CHTOP: variants seen among roughly 807,000 people sequenced by gnomAD.
CHTOP encodes the protein chromatin target of PRMT1, also known as chromatin target of PRMT1 protein.
A neutral mutation model predicts 33.6 loss-of-function variants in CHTOP; 18 were observed. The observed-to-expected ratio is 0.54, with a 90% confidence interval of 0.37 to 0.80. The LOEUF is 0.80. Ranked by LOEUF, CHTOP falls within the 30% of genes least tolerant of loss-of-function variation. The pLI, the probability that CHTOP is intolerant of heterozygous loss-of-function variation, is 0.00. For synonymous variants in CHTOP, 117 were observed against 127.7 expected (o/e 0.92, Z 0.56); for missense variants, 263 against 336.8 (o/e 0.78, Z 1.71).
intron 3 of CHTOP, among the ~76,000 whole-genome samples, chr1:153,640,974 G>A (rs1005432769): frequency 2.0e-5 from 3 of 152,206 alleles, no homozygotes; most frequent in Non-Finnish European, 2.9e-5. Context: ...AAGCTTGGGA[G>A]AATTAATATA....
rs1241063861 is a variant in CHTOP, at chr1:153,645,420, T to C, written c.*151T>C. The C allele has an allele frequency of 4.3e-6, 3 of 701,260 alleles. No individual in the cohort carries two copies. The African/African-American group carries it at 5.4e-5, about 13-fold the overall frequency. The allele number at this position is 701,260 out of a possible 1,614,324, so 43.4% of individuals were successfully genotyped here. A position where few individuals can be genotyped will look rare whatever the true frequency, so the allele number is the denominator to read the frequency against. ...TTGCCACCAGCTTGTGCATTTAGTG[T>C]GTTCCTTTTACTTTTTGATACTGTG... On this transcript the variant is annotated 3_prime_UTR_variant, in exon 6 of 6. Coordinates refer to ENST00000368694, the MANE Select transcript of CHTOP (RefSeq NM_015607.4).
In CHTOP at chr1:153,638,313, GAACA is replaced by G; in HGVS notation, c.89_92del (p.Lys30SerfsTer5). On this transcript the variant is annotated frameshift_variant, in exon 3 of 6. Transcript: ENST00000368694. LOFTEE classifies it high-confidence loss of function. ...CTTGAAGCTTTACTAATATGCTGAA[GAACA>G]AACAGCCGACGCCAGTGAATATTCG... 1 of 1,614,204 alleles carries G rather than the reference GAACA, an allele frequency of 6.2e-7. No homozygotes were observed. Among genetic ancestry groups the G allele is most frequent in the Non-Finnish European group, 8.5e-7 (1 of 1,180,024 alleles).
At chr1:153,635,130 G>T (rs1668309306) in intron 1 of CHTOP, among the ~76,000 whole-genome samples, 1 of 152,094 alleles carries the variant, frequency 6.6e-6, no homozygotes, top group Middle Eastern at 3.4e-3. Flanking sequence ...GAAAACAGGC[G>T]TGAGCCACCG....
chr1:153,641,710 C>T (rs558639412), intron 3 of CHTOP, among the ~76,000 whole-genome samples: 1 of 152,158 alleles, frequency 6.6e-6, no homozygotes, highest in South Asian at 2.1e-4. Flanking sequence ...AAAAATGGAG[C>T]ACACGGGCCT....
chr1:153,638,277 T>C lies in CHTOP; in HGVS notation c.66-18T>C, dbSNP rs1465116428. ...AATAAAGCTTTTATTTAAACATCCA[T>C]TTTGTTCGACCTTGAAGCTTTACTA... On this transcript the variant is annotated intron_variant, in intron 2 of 5. Transcript: ENST00000368694. 3 of 1,610,994 alleles carry C rather than the reference T, an allele frequency of 1.9e-6. No homozygotes were observed. Among genetic ancestry groups the C allele is most frequent in the South Asian group, 2.2e-5 (2 of 90,902 alleles).
chr1:153,645,310 A>G lies in CHTOP; in HGVS notation c.*41A>G, dbSNP rs762639927. The G allele has an allele frequency of 6.3e-7, 1 of 1,582,576 alleles. No homozygotes were observed. The highest frequency in any genetic ancestry group is 8.7e-7 in the Non-Finnish European group (1 of 1,153,900). ...CCATGAGAGACTCTTGTTAGTCAAC[A>G]CATCTGTAAATAACCTTGAGATAAC... On this transcript the variant is annotated 3_prime_UTR_variant, in exon 6 of 6. Transcript: ENST00000368694.
chr1:153,639,856 A>G (rs573183869), intron 3 of CHTOP, among the ~76,000 whole-genome samples: 87 of 152,248 alleles, frequency 5.7e-4, no homozygotes, highest in African/African-American at 2.0e-3. Context: ...CAGTGGTGCA[A>G]TCTCAACTCA....
chr1:153,644,954 C>T, intron 5 of CHTOP, 110 bp from the exon 6 acceptor site: 1 of 932,384 alleles, frequency 1.1e-6, no homozygotes, highest in Non-Finnish European at 1.6e-6. Context: ...TTTGCCCTGC[C>T]CTTCAGCTTT....
At position 153,646,172 on chromosome 1, in the gene CHTOP, A is replaced by G. The variant is rs1314221668; in HGVS notation, c.*903A>G. 6.6e-6 allele frequency: 1 copy of G among 152,162 alleles called. No homozygotes were observed. Among genetic ancestry groups the G allele is most frequent in the African/African-American group, 2.4e-5 (1 of 41,430 alleles). 9.4% of individuals were successfully genotyped at this position (152,162 alleles called of 1,614,324 possible). A position where few individuals can be genotyped will look rare whatever the true frequency, so the allele number is the denominator to read the frequency against. On this transcript the variant is annotated 3_prime_UTR_variant, in exon 6 of 6. Transcript: ENST00000368694. ...CATGTTTATCCCAAACTAATCTTGG[A>G]CTTTTCCACTCATTAGCTTTGTTTT...
At chr1:153,638,952 C>G (rs1012846711) in intron 3 of CHTOP, among the ~76,000 whole-genome samples, 1 of 151,254 alleles carries the variant, frequency 6.6e-6, no homozygotes, top group African/African-American at 2.4e-5. Context: ...ACGATCTCGG[C>G]TCACTGCAAG....
rs201873056 is a variant in CHTOP, at chr1:153,643,206, A to G, written c.404-21A>G. 77 of 1,613,756 alleles carry G rather than the reference A, an allele frequency of 4.8e-5. No individual in the cohort carries two copies. In the East Asian group the frequency reaches 9.4e-4, roughly 20 times the overall value. On this transcript the variant is annotated intron_variant, in intron 4 of 5. Transcript: ENST00000368694. ...GTCTCTTGGATTTACCTGCATATAC[A>G]TTGTATGCCTCCTCTCTAAGGTCAA...
At chr1:153,637,187 C>A (rs956517760) in intron 2 of CHTOP, 1 of 152,464 alleles carries the variant, frequency 6.6e-6, no homozygotes, top group Non-Finnish European at 1.5e-5. Context: ...CTCTTCCATT[C>A]CATTATACTT....
chr1:153,638,575 A>G lies in CHTOP; in HGVS notation c.219+127A>G, dbSNP rs1032956150. The stretch of plus-strand genomic sequence containing the variant: ...GGCAAAAAGCTGAAACTTCTCTGGA[A>G]GAAAGAGAAGTTCAGAGAATTCCAA... On this transcript the variant is annotated intron_variant, in intron 3 of 5. Coordinates refer to ENST00000368694, the MANE Select transcript of CHTOP (RefSeq NM_015607.4). 3.3e-5 allele frequency: 35 copies of G among 1,075,424 alleles called. 1 individual carries two copies. The highest frequency in any genetic ancestry group is 4.5e-5 in the Non-Finnish European group (32 of 716,364). The allele number at this position is 1,075,424 out of a possible 1,614,324, so 66.6% of individuals were successfully genotyped here.
intron 5 of CHTOP, among the ~76,000 whole-genome samples, chr1:153,644,705 T>C (rs1457008906): frequency 6.6e-6 from 1 of 152,264 alleles, no homozygotes; most frequent in African/African-American, 2.4e-5. Context: ...CAAATGGGGT[T>C]ATCTGTCATG....
chr1:153,645,293 G>C lies in CHTOP; in HGVS notation c.*24G>C, dbSNP rs1188415746. On this transcript the variant is annotated 3_prime_UTR_variant, in exon 6 of 6. Transcript: ENST00000368694. ...GAAGCCTGCCCATCCTCCCATGAGA[G>C]ACTCTTGTTAGTCAACACATCTGTA... is the stretch of plus-strand genomic sequence containing the variant. 1 of 1,610,380 alleles carries C rather than the reference G, an allele frequency of 6.2e-7. No individual in the cohort carries two copies. Among genetic ancestry groups the C allele is most frequent in the Admixed American group, 1.7e-5 (1 of 59,848 alleles).
At chr1:153,638,983 C>G (rs1261907826) in intron 3 of CHTOP, among the ~76,000 whole-genome samples, 1 of 151,858 alleles carries the variant, frequency 6.6e-6, no homozygotes. Flanking sequence ...CGGGTCCATA[C>G]CATTCTCCTG....
At chr1:153,642,465 A>T in intron 4 of CHTOP, 36 bp downstream of exon 4, 2 of 1,521,758 alleles carry the variant, frequency 1.3e-6, no homozygotes, top group South Asian at 2.5e-5. Flanking sequence ...GTCGGGCCCT[A>T]CTCCCTTCCC....
At chr1:153,636,751 C>T (rs933320777) in intron 2 of CHTOP, 98 bp downstream of exon 2, 8 of 975,792 alleles carry the variant, frequency 8.2e-6, no homozygotes, top group Non-Finnish European at 1.3e-5. Flanking sequence ...AGCTAAATAC[C>T]AACAGAAGGC....
Position 153,642,321 on chromosome 1 carries a change from G to C in CHTOP, c.295G>C (p.Ala99Pro). 6.2e-7 allele frequency: 1 copy of C among 1,614,200 alleles called. No homozygotes were observed. Residue 99 changes from alanine to proline, a missense_variant, in exon 4 of 6, where the codon GCA becomes CCA. By Grantham distance (27) the Ala-to-Pro change is conservative. Coordinates refer to ENST00000368694, the MANE Select transcript of CHTOP (RefSeq NM_015607.4). ...ACCCATAGGGGCCCTGGCCAGGGGAGCAATCGGAGGACGAGGCCTACCCAT... is the reference window on the plus strand; with the variant it reads ...ACCCATAGGGGCCCTGGCCAGGGGACCAATCGGAGGACGAGGCCTACCCAT... ...GRPIGALARG[A>P]IGGRGLPIIQ...
Sources: gnomAD v4.1 joint callset for allele counts (sites outside exome capture counted in the v4.1 genomes callset) on GRCh38, gnomAD v4.1.1 for gene constraint, MANE v1.5 for transcripts, NCBI Gene and HGNC (gene_info 2026-07-23, HGNC 2026-07-21) for gene names.